The following ORC3 variants were observed in gnomAD, a reference collection of about 807,000 sequenced individuals.
The protein encoded by ORC3 is homolog of latheo, Drosophila.
A neutral mutation model predicts 100.7 loss-of-function variants in ORC3; 78 were observed. The ratio of observed to expected loss-of-function variants is 0.77; its 90% CI spans 0.65 to 0.94. ORC3 has a LOEUF of 0.94. Ranked by LOEUF, ORC3 falls within the 40% of genes least tolerant of loss-of-function variation. The pLI is 0.00. For synonymous variants in ORC3, 295 were observed against 289.3 expected (o/e 1.02, Z -0.20); for missense variants, 789 against 823.9 (o/e 0.96, Z 0.52).
chr6:87,676,788 A>C, the ORC3 span, among the ~76,000 whole-genome samples: 1 of 150,334 alleles, frequency 6.7e-6, no homozygotes, highest in Non-Finnish European at 1.5e-5. Context: ...TTAAAAAAAA[A>C]ACAATTGGCC....
intron 2 of ORC3, 162 bp downstream of exon 2, chr6:87,594,569 C>G: frequency 7.8e-7 from 1 of 1,280,526 alleles, no homozygotes; most frequent in South Asian, 2.9e-5. Flanking sequence ...AAGAGGACAC[C>G]CCAGGGCTCT....
intron 12 of ORC3, among the ~76,000 whole-genome samples, chr6:87,635,921 C>T (rs1767782505): frequency 6.6e-6 from 1 of 151,774 alleles, no homozygotes; most frequent in Admixed American, 6.6e-5. Context: ...CTCAGTATAG[C>T]CTCATTTTAC....
At chr6:87,665,227 G>A (rs1466001509) in intron 18 of ORC3, among the ~76,000 whole-genome samples, 1 of 151,884 alleles carries the variant, frequency 6.6e-6, no homozygotes. Context: ...TTCTCTTCTT[G>A]CTTAAAAGAA....
intron 11 of ORC3, among the ~76,000 whole-genome samples, chr6:87,631,559 C>T (rs1767420379): frequency 6.6e-6 from 1 of 152,050 alleles, no homozygotes; most frequent in Admixed American, 6.5e-5. Flanking sequence ...ACAGCGCGAT[C>T]TTGGCTCACG....
intron 5 of ORC3, among the ~76,000 whole-genome samples, chr6:87,607,085 T>G (rs1415533656): frequency 6.6e-6 from 1 of 151,942 alleles, no homozygotes; most frequent in African/African-American, 2.4e-5. Context: ...TTCCTAAAAT[T>G]TATAGTTTGC....
Position 87,621,893 on chromosome 6 carries a change from T to G in ORC3, c.1122-57T>G, listed in dbSNP as rs1054827688. ...TAGTTCTTTTTCCCAATATGCTATT[T>G]AAATATGTTGAATGTTTAATTTTCT... On this transcript the variant is annotated intron_variant, in intron 10 of 19. Transcript: ENST00000392844. 5.8e-6 allele frequency: 7 copies of G among 1,212,456 alleles called. No homozygotes were observed. The African/African-American group carries it at 1.1e-4, about 18-fold the overall frequency. The allele number at this position is 1,212,456 out of a possible 1,614,324, so 75.1% of individuals were successfully genotyped here.
rs1209529972 is a variant in ORC3 at position 87,591,807 on chromosome 6, C to T, written c.24+1615C>T. Among the ~76,000 whole-genome samples, 3 of 152,210 alleles carry T rather than the reference C, an allele frequency of 2.0e-5. No individual in the cohort carries two copies. In the South Asian group the frequency reaches 6.2e-4, roughly 32 times the overall value. ...AGTGCAGTGGCGCGATCTCGGCTCA[C>T]TGCAACCTCCACCTCCCCGATTCAA... On this transcript the variant is annotated intron_variant, in intron 1 of 19. Transcript: ENST00000392844.
At chr6:87,642,228 G>A (rs1368709675) in intron 13 of ORC3, among the ~76,000 whole-genome samples, 1 of 152,140 alleles carries the variant, frequency 6.6e-6, no homozygotes, top group African/African-American at 2.4e-5. Context: ...GGAGGTTGAG[G>A]CTGCCGTGAG....
chr6:87,650,432 C>G (rs1769170893), intron 13 of ORC3, among the ~76,000 whole-genome samples: 1 of 152,118 alleles, frequency 6.6e-6, no homozygotes, highest in African/African-American at 2.4e-5. Flanking sequence ...TAATTTCATC[C>G]TCCTTCTTAA....
chr6:87,625,855 A>AT (rs200882777), intron 11 of ORC3, among the ~76,000 whole-genome samples: 1 of 152,060 alleles, frequency 6.6e-6, no homozygotes, highest in Non-Finnish European at 1.5e-5. Flanking sequence ...ATCTTGAATG[A>AT]TTTTTTTATA....
chr6:87,651,160 T>C (rs1769232453), intron 13 of ORC3: 1 of 456,192 alleles, frequency 2.2e-6, no homozygotes, highest in Non-Finnish European at 4.4e-6. Flanking sequence ...TTTTTTGGTC[T>C]CCTGGATAAT....
At chr6:87,659,033 G>A (rs1769960757) in intron 16 of ORC3, among the ~76,000 whole-genome samples, 1 of 134,844 alleles carries the variant, frequency 7.4e-6, no homozygotes, top group African/African-American at 2.7e-5. Flanking sequence ...GGGGGGGGGA[G>A]AACCTGTTAT....
At chr6:87,608,988 C>T (rs1050037058) in intron 6 of ORC3, 108 bp from the exon 7 acceptor site, 1 of 819,906 alleles carries the variant, frequency 1.2e-6, no homozygotes. Flanking sequence ...AAAAAATAAA[C>T]AGTGTTATTG....
Position 87,621,992 on chromosome 6 carries a change from G to A in ORC3, c.1164G>A (p.Leu388=). Residue 388 remains leucine, a synonymous_variant, in exon 11 of 20, where the codon TTG becomes TTA. Transcript: ENST00000392844. ...CTTCAGAAAAGCAAGTTGCGCTCTTGACCAATGAGAGATATTTGAAGGTAG... is the reference window on the plus strand; with the variant it reads ...CTTCAGAAAAGCAAGTTGCGCTCTTAACCAATGAGAGATATTTGAAGGTAG... ...KQASEKQVAL[L]TNERYLKEET... is the part of the protein sequence containing the mutation. 1 of 1,608,288 alleles carries A rather than the reference G, an allele frequency of 6.2e-7. No homozygotes were observed. The highest frequency in any genetic ancestry group is 8.5e-7 in the Non-Finnish European group (1 of 1,175,820).
chr6:87,675,396 A>G, the ORC3 span: 11 of 637,504 alleles, frequency 1.7e-5, no homozygotes, highest in East Asian at 2.7e-4. Context: ...TACAGGTAGC[A>G]AAGGTCCACA....
chr6:87,644,423 T>C (rs1347356120), intron 13 of ORC3, among the ~76,000 whole-genome samples: 1 of 150,126 alleles, frequency 6.7e-6, no homozygotes, highest in Non-Finnish European at 1.5e-5. Context: ...ATTACATCAA[T>C]AGGCCAGGCA....
At chr6:87,671,275 G>C (rs181320074), downstream of ORC3, among the ~76,000 whole-genome samples, 1 of 152,208 alleles carries the variant, frequency 6.6e-6, no homozygotes, top group Non-Finnish European at 1.5e-5. Context: ...CTATGATAGT[G>C]TCTTGGATTA....
chr6:87,622,212 T>C (rs540235843), intron 11 of ORC3, among the ~76,000 whole-genome samples, 199 bp downstream of exon 11: 33 of 152,290 alleles, frequency 2.2e-4, no homozygotes, highest in African/African-American at 7.7e-4. Flanking sequence ...TGAGGCTTTT[T>C]TTAATCAAGA....
At chr6:87,675,318 T>C in the ORC3 span, 3 of 489,570 alleles carry the variant, frequency 6.1e-6, no homozygotes, top group Non-Finnish European at 1.1e-5. Flanking sequence ...CCAGCTTTAA[T>C]CCTTTTCAAA....
Sources: gnomAD v4.1 joint callset for allele counts (sites outside exome capture counted in the v4.1 genomes callset) on GRCh38, gnomAD v4.1.1 for gene constraint, MANE v1.5 for transcripts, NCBI Gene and HGNC (gene_info 2026-07-23, HGNC 2026-07-21) for gene names.